Variants in PTPRD observed in about 807,000 individuals in gnomAD.
PTPRD encodes receptor-type tyrosine-protein phosphatase delta.
In PTPRD, 34 loss-of-function variants were observed where a neutral mutation model predicts 214.5. That is an observed-to-expected ratio of 0.16 (90% CI 0.12 to 0.21). PTPRD has a LOEUF of 0.21. Among genes scored for constraint, PTPRD ranks in the 10% least tolerant of loss-of-function variants. The pLI is 1.00. For synonymous variants in PTPRD, 1,128 were observed against 845.7 expected (o/e 1.33, Z -5.79); for missense variants, 2,545 against 2,398.7 (o/e 1.06, Z -1.27).
chr9:8,974,002 A>C (rs1270818413), intron 11 of PTPRD, among the ~76,000 whole-genome samples: 1 of 152,086 alleles, frequency 6.6e-6, no homozygotes, highest in African/African-American at 2.4e-5. Context: ...CCCATACTGT[A>C]GGTGGTCTGC....
intron 2 of PTPRD, among the ~76,000 whole-genome samples, chr9:10,424,513 C>T (rs922318044): frequency 3.5e-4 from 53 of 152,020 alleles, no homozygotes; most frequent in African/African-American, 1.3e-3. Context: ...AAAAATAACA[C>T]ATCAGCAGTC....
intron 3 of PTPRD, among the ~76,000 whole-genome samples, chr9:10,071,035 A>G (rs575734764): frequency 6.6e-6 from 1 of 152,196 alleles, no homozygotes; most frequent in Non-Finnish European, 1.5e-5. Flanking sequence ...CAAAAATCAA[A>G]TACGTGGTAT....
chr9:10,428,461 T>C (rs942909634), intron 2 of PTPRD, among the ~76,000 whole-genome samples: 4 of 152,114 alleles, frequency 2.6e-5, no homozygotes, highest in African/African-American at 9.7e-5. Context: ...GTGCCACATG[T>C]TGCAAACAGT....
intron 11 of PTPRD, chr9:8,861,400 G>T (rs2098102586): frequency 6.6e-6 from 1 of 152,120 alleles, no homozygotes; most frequent in Non-Finnish European, 1.5e-5. Flanking sequence ...AAAACACAGA[G>T]TGCATTATAC....
intron 2 of PTPRD, among the ~76,000 whole-genome samples, chr9:10,472,669 C>T (rs997237967): frequency 2.0e-5 from 3 of 152,040 alleles, no homozygotes; most frequent in Non-Finnish European, 4.4e-5. Context: ...TGGAAAAATC[C>T]TAGATGTTCA....
intron 3 of PTPRD, among the ~76,000 whole-genome samples, chr9:10,063,116 C>T (rs557005692): frequency 1.3e-5 from 2 of 151,994 alleles, no homozygotes; most frequent in Non-Finnish European, 2.9e-5. Flanking sequence ...CAGTAGGAAT[C>T]GACTGTACCA....
intron 12 of PTPRD, among the ~76,000 whole-genome samples, chr9:8,717,216 GA>G (rs1192886664): frequency 2.0e-5 from 3 of 152,138 alleles, no homozygotes; most frequent in African/African-American, 7.2e-5. Flanking sequence ...ACCTCTAGGA[GA>G]GACACAAAAA....
At chr9:10,564,665 T>C (rs2065090237) in intron 2 of PTPRD, among the ~76,000 whole-genome samples, 2 of 152,104 alleles carry the variant, frequency 1.3e-5, no homozygotes, top group Admixed American at 1.3e-4. Flanking sequence ...ACTCAGGGGC[T>C]CACCAATATT....
At position 9,235,924 on chromosome 9, in the gene PTPRD, C is replaced by A. The variant is rs1372012615; in HGVS notation, c.-202-52561G>T. Among the ~76,000 whole-genome samples the A allele has an allele frequency of 3.3e-5, 5 of 152,054 alleles. No individual in the cohort carries two copies. In the East Asian group the frequency reaches 9.6e-4, roughly 29 times the overall value. ...AAGTTACCTTGCATGTCTCCATGAA[C>A]TTATTAGTCTGAGTCAATTCTAAAC... On this transcript the variant is annotated intron_variant, in intron 9 of 45. Transcript: ENST00000381196.
chr9:10,176,711 T>C (rs544801933), intron 3 of PTPRD, among the ~76,000 whole-genome samples: 18 of 152,116 alleles, frequency 1.2e-4, no homozygotes, highest in African/African-American at 3.8e-4. Flanking sequence ...ACCATGTTTA[T>C]GAGCCGCACA....
intron 31 of PTPRD, among the ~76,000 whole-genome samples, chr9:8,467,741 A>T: frequency 6.6e-6 from 1 of 151,892 alleles, no homozygotes; most frequent in East Asian, 1.9e-4. Flanking sequence ...AAGGCAGATG[A>T]ATGTATTATT....
chr9:9,885,590 C>G (rs1240491831), intron 5 of PTPRD, among the ~76,000 whole-genome samples: 3 of 151,630 alleles, frequency 2.0e-5, no homozygotes, highest in Non-Finnish European at 4.4e-5. Context: ...CTAGATAGAC[C>G]CAAGAGTCCT....
chr9:9,726,694 G>T (rs527434306), intron 7 of PTPRD, among the ~76,000 whole-genome samples: 2 of 152,234 alleles, frequency 1.3e-5, no homozygotes, highest in South Asian at 2.1e-4. Context: ...ATTTTCATAT[G>T]TCTCAACATG....
At chr9:9,789,361 CA>C (rs1157552743) in intron 5 of PTPRD, among the ~76,000 whole-genome samples, 4 of 152,164 alleles carry the variant, frequency 2.6e-5, no homozygotes, top group Non-Finnish European at 5.9e-5. Context: ...CTGGATGTCA[CA>C]TAAGAAGTTC....
intron 7 of PTPRD, among the ~76,000 whole-genome samples, chr9:9,707,760 A>G (rs879825355): frequency 5.3e-5 from 8 of 152,108 alleles, no homozygotes; most frequent in African/African-American, 1.4e-4. Flanking sequence ...TTTTGATGAT[A>G]GAGTTAGCAG....
At position 8,656,133 on chromosome 9, in the gene PTPRD, C is replaced by T. The variant is rs562716908; in HGVS notation, c.65-19289G>A. ...AATACTGCCCAACAGCCCCCCACAA[C>T]TGAATCACCTGTTGTTACTTGTTAA... On this transcript the variant is annotated intron_variant, in intron 12 of 45. Transcript: ENST00000381196. Among the ~76,000 whole-genome samples, 14 of 152,280 alleles carry T rather than the reference C, an allele frequency of 9.2e-5. No individual in the cohort carries two copies. In the South Asian group the frequency reaches 2.9e-3, roughly 32 times the overall value.
chr9:8,566,711 G>T (rs1036178759), intron 14 of PTPRD, among the ~76,000 whole-genome samples: 1 of 152,186 alleles, frequency 6.6e-6, no homozygotes, highest in African/African-American at 2.4e-5. Context: ...TGCCAAATAA[G>T]AATGGAGTCA....
At chr9:8,760,065 G>T in intron 11 of PTPRD, among the ~76,000 whole-genome samples, 1 of 152,220 alleles carries the variant, frequency 6.6e-6, no homozygotes, top group Middle Eastern at 3.4e-3. Flanking sequence ...AAGGTAGCTG[G>T]GATTACAGGC....
chr9:8,450,892 T>C (rs1324934844), intron 33 of PTPRD, among the ~76,000 whole-genome samples: 1 of 152,176 alleles, frequency 6.6e-6, no homozygotes, highest in African/African-American at 2.4e-5. Context: ...ACAGTCACAA[T>C]CCTAGTATCT....
Sources: gnomAD v4.1 joint callset for allele counts (sites outside exome capture counted in the v4.1 genomes callset) on GRCh38, gnomAD v4.1.1 for gene constraint, MANE v1.5 for transcripts, NCBI Gene and HGNC (gene_info 2026-07-23, HGNC 2026-07-21) for gene names.